FOXO3: variants seen among roughly 807,000 people sequenced by gnomAD.
FOXO3 encodes forkhead box protein O3.
A neutral mutation model predicts 41.9 loss-of-function variants in FOXO3; 4 were observed. That is an observed-to-expected ratio of 0.10 (90% CI 0.05 to 0.22). FOXO3 has a LOEUF of 0.22. Ranked by LOEUF, FOXO3 falls within the 10% of genes least tolerant of loss-of-function variation. The pLI, the probability that FOXO3 is intolerant of heterozygous loss-of-function variation, is 1.00. For missense variants in FOXO3, 534 were observed against 906.8 expected (o/e 0.59, Z 5.28); for synonymous variants, 318 against 389.3 (o/e 0.82, Z 2.16).
At chr6:108,590,247 C>T (rs1251441856) in intron 1 of FOXO3, among the ~76,000 whole-genome samples, 1 of 152,006 alleles carries the variant, frequency 6.6e-6, no homozygotes, top group East Asian at 1.9e-4. Context: ...CCTCAGCCTC[C>T]TGAGTAGTTG....
intron 1 of FOXO3, among the ~76,000 whole-genome samples, chr6:108,617,605 G>C (rs949105353): frequency 6.6e-6 from 1 of 152,012 alleles, no homozygotes; most frequent in Non-Finnish European, 1.5e-5. Context: ...AGTTGAACAA[G>C]GTATGCAAGG....
intron 1 of FOXO3, among the ~76,000 whole-genome samples, chr6:108,627,755 A>G (rs980275567): frequency 6.6e-6 from 1 of 152,132 alleles, no homozygotes; most frequent in Non-Finnish European, 1.5e-5. Context: ...AAACTTTACA[A>G]ATTTGTCTTG....
chr6:108,599,512 C>T lies in FOXO3; in HGVS notation c.621+37683C>T, dbSNP rs530199797. ...CCCCTCACTTAGTATGTGCCTTGCC[C>T]TGGGGCTCAGTGAGAGGGTTGTGTT... On this transcript the variant is annotated intron_variant, in intron 1 of 2. Transcript: ENST00000406360. 3.3e-5 allele frequency among the ~76,000 whole-genome samples: 5 copies of T among 152,288 alleles called. No individual in the cohort carries two copies. The East Asian group carries it at 9.6e-4, about 29-fold the overall frequency.
intron 1 of FOXO3, among the ~76,000 whole-genome samples, chr6:108,623,939 C>T (rs547992410): frequency 1.3e-5 from 2 of 152,274 alleles, no homozygotes; most frequent in South Asian, 2.1e-4. Context: ...TTGAGAAATT[C>T]GTATTTCTCA....
chr6:108,614,519 T>C (rs1362037082), intron 1 of FOXO3, among the ~76,000 whole-genome samples: 5 of 152,150 alleles, frequency 3.3e-5, no homozygotes. Flanking sequence ...CATTAATAAC[T>C]GTTAATAATA....
chr6:108,560,948 C>T lies in FOXO3; in HGVS notation c.-261C>T, dbSNP rs1456305786. The T allele has an allele frequency of 1.1e-5, 14 of 1,303,182 alleles. No homozygotes were observed. Among genetic ancestry groups the T allele is most frequent in the Admixed American group, 8.4e-5 (2 of 23,758 alleles). 80.7% of individuals were successfully genotyped at this position (1,303,182 alleles called of 1,614,324 possible). A position where few individuals can be genotyped will look rare whatever the true frequency, so the allele number is the denominator to read the frequency against. ...TGCTGCGCCAGGTTCGCTGGCCGCA[C>T]GTCTTCAGGTCCTCCTGTTCCTGGG... is the stretch of plus-strand genomic sequence containing the variant. On this transcript the variant is annotated 5_prime_UTR_variant, in exon 1 of 3. In the 5' UTR this introduces an upstream ATG that the reference lacks. Coordinates refer to ENST00000406360, the MANE Select transcript of FOXO3 (RefSeq NM_001455.4).
chr6:108,669,206 A>G (rs181779371), intron 2 of FOXO3, among the ~76,000 whole-genome samples: 19 of 152,372 alleles, frequency 1.2e-4, no homozygotes. Context: ...ATACAGAGCT[A>G]GAAAGAAATA....
At chr6:108,657,727 G>A (rs1462956740) in intron 1 of FOXO3, among the ~76,000 whole-genome samples, 3 of 152,204 alleles carry the variant, frequency 2.0e-5, no homozygotes, top group Non-Finnish European at 4.4e-5. Flanking sequence ...TGGGATTGAG[G>A]TGGCAGGAGG....
intron 1 of FOXO3, among the ~76,000 whole-genome samples, chr6:108,640,811 T>G (rs2128379125): frequency 6.6e-6 from 1 of 152,338 alleles, no homozygotes; most frequent in East Asian, 1.9e-4. Context: ...TGGATCCTAT[T>G]CATTCATAGT....
intron 1 of FOXO3, among the ~76,000 whole-genome samples, chr6:108,648,267 G>A (rs192796877): frequency 3.3e-5 from 5 of 152,318 alleles, no homozygotes; most frequent in Admixed American, 2.6e-4. Flanking sequence ...AGTAGGAATG[G>A]ACATAAGGTG....
chr6:108,562,324 C>A (rs1297011015), intron 1 of FOXO3, among the ~76,000 whole-genome samples: 1 of 152,076 alleles, frequency 6.6e-6, no homozygotes, highest in Non-Finnish European at 1.5e-5. Flanking sequence ...TGAGAACCTT[C>A]GGGTCCAAGT....
At chr6:108,623,738 G>C (rs956179212) in intron 1 of FOXO3, among the ~76,000 whole-genome samples, 2 of 152,154 alleles carry the variant, frequency 1.3e-5, no homozygotes, top group Non-Finnish European at 2.9e-5. Context: ...GGGAAGGGAA[G>C]GAAATTCAGG....
chr6:108,581,152 G>C (rs1159480839), intron 1 of FOXO3, among the ~76,000 whole-genome samples: 2 of 152,134 alleles, frequency 1.3e-5, no homozygotes, highest in Non-Finnish European at 1.5e-5. Context: ...GGGTCATTTG[G>C]GTCTAGTTTT....
intron 1 of FOXO3, among the ~76,000 whole-genome samples, chr6:108,599,527 A>G (rs1244351417): frequency 6.6e-6 from 1 of 152,190 alleles, no homozygotes; most frequent in Non-Finnish European, 1.5e-5. Context: ...GCTCAGTGAG[A>G]GGGTTGTGTT....
intron 1 of FOXO3, among the ~76,000 whole-genome samples, chr6:108,645,326 AT>A (rs1290375773): frequency 2.6e-5 from 4 of 152,194 alleles, no homozygotes; most frequent in Non-Finnish European, 5.9e-5. Flanking sequence ...AATTCCCATG[AT>A]TGGTAGAAAT....
chr6:108,560,268 G>A (rs1411213724), upstream of FOXO3, among the ~76,000 whole-genome samples: 1 of 152,194 alleles, frequency 6.6e-6, no homozygotes, highest in East Asian at 1.9e-4. Flanking sequence ...CCGACCTGTT[G>A]GAAGATTTAT....
At chr6:108,660,625 G>T (rs1007912347) in intron 1 of FOXO3, among the ~76,000 whole-genome samples, 1 of 152,162 alleles carries the variant, frequency 6.6e-6, no homozygotes, top group African/African-American at 2.4e-5. Flanking sequence ...CCAGCACTTG[G>T]GTGGGGAGGC....
At chr6:108,580,183 ATTTTTT>A (rs11395032) in intron 1 of FOXO3, among the ~76,000 whole-genome samples, 1 of 93,072 alleles carries the variant, frequency 1.1e-5, no homozygotes, top group African/African-American at 4.2e-5. Flanking sequence ...GCTCTTCTTC[ATTTTTT>A]TTTTTTTTTT....
At chr6:108,584,477 G>A (rs2802290) in intron 1 of FOXO3, among the ~76,000 whole-genome samples, 76,467 of 152,062 alleles carry the variant, frequency 0.5, 21,379 homozygotes, top group East Asian at 0.68. Flanking sequence ...GCAGGTTTCA[G>A]GGAGGTGGGA....
Sources: allele counts gnomAD v4.1 joint callset (sites outside exome capture counted in the v4.1 genomes callset), GRCh38; gene constraint gnomAD v4.1.1; transcripts MANE v1.5; gene names NCBI Gene and HGNC (gene_info 2026-07-23, HGNC 2026-07-21).